Variants in FAM13A observed in about 807,000 individuals in gnomAD.
FAM13A encodes the protein family with sequence similarity 13 member A.
FAM13A carries 76 observed loss-of-function variants against 129.6 expected under a neutral mutation model. The observed-to-expected ratio is 0.59, with a 90% confidence interval of 0.49 to 0.71. FAM13A has a LOEUF of 0.71. Among genes scored for constraint, FAM13A ranks in the 30% least tolerant of loss-of-function variants. FAM13A has a pLI of 0.00. For missense variants in FAM13A, 1,108 were observed against 1,249.3 expected (o/e 0.89, Z 1.70); for synonymous variants, 443 against 449.9 (o/e 0.98, Z 0.20).
chr4:88,958,430 C>T (rs1257037122), intron 4 of FAM13A, among the ~76,000 whole-genome samples: 2 of 152,238 alleles, frequency 1.3e-5, no homozygotes, highest in Non-Finnish European at 2.9e-5. Context: ...TGCATCTCAG[C>T]CACTGCAGCT....
In FAM13A at chr4:88,797,473, C is replaced by G. The variant is rs565384053; in HGVS notation, c.1050-6846G>C. Among the ~76,000 whole-genome samples, 6 of 152,128 alleles carry G rather than the reference C, an allele frequency of 3.9e-5. No individual in the cohort carries two copies. The East Asian group carries it at 1.2e-3, about 29-fold the overall frequency. On this transcript the variant is annotated intron_variant, in intron 8 of 23. Coordinates refer to ENST00000264344, the MANE Select transcript of FAM13A (RefSeq NM_014883.4). ...AGAGACAGAGTCTTGCTATGTTGCC[C>G]AGGTTGGTCTCAGACTCCTGGTTTC...
chr4:88,749,135 C>T lies in FAM13A; in HGVS notation c.2080-102G>A, dbSNP rs190235547. On this transcript the variant is annotated intron_variant, in intron 16 of 23. Transcript: ENST00000264344. The stretch of plus-strand genomic sequence containing the variant: ...TTTTAAATAGGAAGGAAAAGTTGAG[C>T]CCCATCAGAATAAGAAATTAAACAC... The T allele has an allele frequency of 4.9e-4, 401 of 821,146 alleles. 4 individuals are homozygous for T. In the East Asian group the frequency reaches 7.4e-3, roughly 15 times the overall value. The allele number at this position is 821,146 out of a possible 1,614,324, so 50.9% of individuals were successfully genotyped here. A position where few individuals can be genotyped will look rare whatever the true frequency, so the allele number is the denominator to read the frequency against.
At chr4:88,962,762 T>C (rs1050180798) in intron 4 of FAM13A, among the ~76,000 whole-genome samples, 1 of 152,178 alleles carries the variant, frequency 6.6e-6, no homozygotes, top group Non-Finnish European at 1.5e-5. Context: ...CACTGAAATG[T>C]GAGTGCATAA....
chr4:88,740,248 T>C (rs1013801627), intron 19 of FAM13A, among the ~76,000 whole-genome samples: 1 of 152,238 alleles, frequency 6.6e-6, no homozygotes, highest in Non-Finnish European at 1.5e-5. Context: ...TTCTCTCCTT[T>C]GTGAAATCAC....
intron 22 of FAM13A, chr4:88,731,730 TTA>T (rs1326206132): frequency 3.8e-6 from 2 of 522,270 alleles, no homozygotes; most frequent in African/African-American, 3.8e-5. Flanking sequence ...TCAGCGTGTG[TTA>T]AGTGATGGGC....
intron 21 of FAM13A, among the ~76,000 whole-genome samples, chr4:88,734,349 G>GA (rs544140814): frequency 1.7e-4 from 26 of 152,286 alleles, no homozygotes; most frequent in Admixed American, 1.4e-3. Context: ...CTCAGTATCT[G>GA]AGTCACTTGG....
At chr4:88,852,846 T>C (rs1454676069) in intron 6 of FAM13A, among the ~76,000 whole-genome samples, 1 of 152,176 alleles carries the variant, frequency 6.6e-6, no homozygotes, top group East Asian at 1.9e-4. Flanking sequence ...AACATAAATA[T>C]TGAATAAATT....
chr4:89,030,931 T>C (rs915406974), intron 1 of FAM13A, among the ~76,000 whole-genome samples: 5 of 152,294 alleles, frequency 3.3e-5, no homozygotes, highest in Admixed American at 2.0e-4. Flanking sequence ...TTTACTAACA[T>C]ATCTGCATCT....
intron 10 of FAM13A, among the ~76,000 whole-genome samples, chr4:88,781,886 T>C (rs1422241708): frequency 4.0e-5 from 6 of 151,436 alleles, no homozygotes; most frequent in Admixed American, 3.3e-4. Flanking sequence ...ATATACCTAA[T>C]GCTAAATGAC....
intron 8 of FAM13A, among the ~76,000 whole-genome samples, chr4:88,799,057 A>G (rs1726855019): frequency 6.6e-6 from 1 of 152,190 alleles, no homozygotes; most frequent in Non-Finnish European, 1.5e-5. Flanking sequence ...GTTAGAATTA[A>G]ACCCAGAATC....
intron 4 of FAM13A, among the ~76,000 whole-genome samples, chr4:88,940,311 A>G (rs1754537395): frequency 6.6e-6 from 1 of 152,006 alleles, no homozygotes. Flanking sequence ...GTTACTGGAA[A>G]TTGGAGCAAT....
At chr4:88,944,106 G>A (rs915751444) in intron 4 of FAM13A, among the ~76,000 whole-genome samples, 1 of 152,062 alleles carries the variant, frequency 6.6e-6, no homozygotes, top group Non-Finnish European at 1.5e-5. Context: ...GCTCACATGT[G>A]CAATCTCAAC....
chr4:88,955,895 A>G lies in FAM13A; in HGVS notation c.606-17654T>C, dbSNP rs191972378. Among the ~76,000 whole-genome samples the G allele has an allele frequency of 3.2e-3, 484 of 152,298 alleles. 1 individual carries two copies. Among genetic ancestry groups the G allele is most frequent in the South Asian group, 6.8e-3 (33 of 4,828 alleles). On this transcript the variant is annotated intron_variant, in intron 4 of 23. Coordinates refer to ENST00000264344, the MANE Select transcript of FAM13A (RefSeq NM_014883.4). ...ATTTGCAGCCTGATGATGCAATAGAAAAGAAAAACCCATTTTCTGAGGAGA... is the reference window on the plus strand; with the variant it reads ...ATTTGCAGCCTGATGATGCAATAGAGAAGAAAAACCCATTTTCTGAGGAGA...
intron 8 of FAM13A, among the ~76,000 whole-genome samples, chr4:88,799,084 T>C (rs1192282096): frequency 6.6e-6 from 1 of 152,196 alleles, no homozygotes; most frequent in Non-Finnish European, 1.5e-5. Flanking sequence ...TACATCTTAC[T>C]ACGCAAAAAA....
chr4:88,739,205 G>A (rs1739662927), intron 19 of FAM13A, 80 bp from the exon 20 acceptor site: 1 of 921,710 alleles, frequency 1.1e-6, no homozygotes, highest in Non-Finnish European at 1.8e-6. Flanking sequence ...CTGGGCCTTT[G>A]TAATTCTAGA....
intron 8 of FAM13A, among the ~76,000 whole-genome samples, chr4:88,804,264 TAAATA>T (rs1330733590): frequency 2.6e-5 from 4 of 151,680 alleles, no homozygotes; most frequent in African/African-American, 7.3e-5. Context: ...AATAAATAAA[TAAATA>T]AAATAAAATA....
intron 3 of FAM13A, among the ~76,000 whole-genome samples, chr4:89,012,673 A>T (rs1765894473): frequency 6.6e-6 from 1 of 152,198 alleles, no homozygotes; most frequent in Admixed American, 6.5e-5. Flanking sequence ...AGGGTCAGGG[A>T]TGCTTACAGA....
intron 3 of FAM13A, among the ~76,000 whole-genome samples, chr4:89,003,253 AG>A (rs1764513258): frequency 6.7e-6 from 1 of 149,882 alleles, no homozygotes; most frequent in African/African-American, 2.4e-5. Context: ...TTTTTTTTTA[AG>A]TTAACAGTGG....
chr4:88,833,778 C>T (rs1453790730), intron 7 of FAM13A, among the ~76,000 whole-genome samples: 2 of 151,836 alleles, frequency 1.3e-5, no homozygotes, highest in African/African-American at 2.4e-5. Context: ...CCCAGCTACT[C>T]GGAAGGCTGA....
Sources: allele counts gnomAD v4.1 joint callset (sites outside exome capture counted in the v4.1 genomes callset), GRCh38; gene constraint gnomAD v4.1.1; transcripts MANE v1.5; gene names NCBI Gene and HGNC (gene_info 2026-07-23, HGNC 2026-07-21).